GRID2IP: variants seen among roughly 807,000 people sequenced by gnomAD.
The protein encoded by GRID2IP is Grid2 interacting protein.
A neutral mutation model predicts 114.3 loss-of-function variants in GRID2IP; 78 were observed. The ratio of observed to expected loss-of-function variants is 0.68; its 90% CI spans 0.57 to 0.82. GRID2IP has a LOEUF of 0.82. Ranked by LOEUF, GRID2IP falls within the 40% of genes least tolerant of loss-of-function variation. GRID2IP has a pLI of 0.00. For missense variants in GRID2IP, 1,727 were observed against 1,678.5 expected, an observed-to-expected ratio of 1.03 and a Z score of -0.51; for synonymous variants, 809 against 724.0, an observed-to-expected ratio of 1.12 and a Z score of -1.89.
intron 4 of GRID2IP, among the ~76,000 whole-genome samples, chr7:6,524,252 A>G (rs889369788): frequency 2.0e-5 from 3 of 152,230 alleles, no homozygotes; most frequent in Non-Finnish European, 4.4e-5. Flanking sequence ...GACGATGCCC[A>G]GCTCACAGAT....
At chr7:6,512,042 G>A (rs1207971716) in intron 8 of GRID2IP, among the ~76,000 whole-genome samples, 1 of 151,370 alleles carries the variant, frequency 6.6e-6, no homozygotes. Context: ...CAAGTAGCTG[G>A]GACCACAGGC....
At chr7:6,501,064 C>G (rs1443885310) in intron 20 of GRID2IP, among the ~76,000 whole-genome samples, 2 of 152,126 alleles carry the variant, frequency 1.3e-5, no homozygotes, top group Non-Finnish European at 2.9e-5. Flanking sequence ...TTATAAATGA[C>G]CCAGGGCTAA....
At chr7:6,524,307 C>T (rs118000674) in intron 4 of GRID2IP, among the ~76,000 whole-genome samples, 1,840 of 152,330 alleles carry the variant, frequency 0.012, 40 homozygotes, top group South Asian at 0.067. Context: ...GGAAAGAATG[C>T]ATTGGCATGG....
chr7:6,526,806 G>C lies in GRID2IP; in HGVS notation c.585-37C>G. The C allele has an allele frequency of 3.4e-6, 5 of 1,471,996 alleles. No individual in the cohort carries two copies. The highest frequency in any genetic ancestry group is 4.5e-6 in the Non-Finnish European group (5 of 1,113,982). The allele number at this position is 1,471,996 out of a possible 1,614,324, so 91.2% of individuals were successfully genotyped here. On this transcript the variant is annotated intron_variant, in intron 2 of 21. Coordinates refer to ENST00000457091, the MANE Select transcript of GRID2IP (RefSeq NM_001145118.2). The surrounding 1 kb of genome is among the most constrained non-coding windows in gnomAD (Gnocchi z 7.6). ...GACGGCGGAGTCGGGGCGCGTTCCC[G>C]GACCCCGGATCTCTGCAAACCGCGG...
At position 6,514,390 on chromosome 7, in the gene GRID2IP, A is replaced by G; in HGVS notation, c.1408T>C (p.Tyr470His). The G allele has an allele frequency of 6.5e-7, 1 of 1,528,034 alleles. No individual in the cohort carries two copies. The allele number at this position is 1,528,034 out of a possible 1,614,324, so 94.7% of individuals were successfully genotyped here. Residue 470 changes from tyrosine to histidine, a missense_variant, in exon 8 of 22, where the codon TAC becomes CAC. By Grantham distance (83) the Tyr-to-His change is moderately conservative. Coordinates refer to ENST00000457091, the MANE Select transcript of GRID2IP (RefSeq NM_001145118.2). ...CQEKIACFLG[Y>H]TAMTAEPEPE... ...GGACGCTTACCTGTCATGGCCGTGT[A>G]GCCCAGGAAGCATGCGATTTTCTCC...
intron 2 of GRID2IP, among the ~76,000 whole-genome samples, chr7:6,539,462 C>A (rs1779779628): frequency 6.6e-6 from 1 of 152,114 alleles, no homozygotes; most frequent in African/African-American, 2.4e-5. Flanking sequence ...TGGATCCTTT[C>A]TGAGGTCTGT....
intron 4 of GRID2IP, among the ~76,000 whole-genome samples, chr7:6,524,608 C>T (rs1180328479): frequency 6.6e-6 from 1 of 152,094 alleles, no homozygotes; most frequent in Non-Finnish European, 1.5e-5. Flanking sequence ...GTAATCCCAA[C>T]ATTTAGGAGG....
rs149464655 is a variant in GRID2IP, at chr7:6,506,009, A to T, written c.2545-102T>A. 1.2e-4 allele frequency: 91 copies of T among 731,196 alleles called. No homozygotes were observed. Among genetic ancestry groups the T allele is most frequent in the Middle Eastern group, 3.7e-4 (1 of 2,690 alleles). The allele number at this position is 731,196 out of a possible 1,614,324, so 45.3% of individuals were successfully genotyped here. Reference sequence around the variant, plus strand: ...GGGCTGCCATAGGGGCTTCCCGAGCAAAAGCACCCATCAGGTGCTGGGATA... The same window carrying T: ...GGGCTGCCATAGGGGCTTCCCGAGCTAAAGCACCCATCAGGTGCTGGGATA... On this transcript the variant is annotated intron_variant, in intron 13 of 21. Transcript: ENST00000457091. This position sits in a 1 kb window ranked among gnomAD's most constrained non-coding sequence, Gnocchi z 5.2.
In GRID2IP at chr7:6,510,637, G is replaced by C; in HGVS notation, c.1625C>G (p.Ser542Cys). Residue 542 changes from serine to cysteine, a missense_variant, in exon 10 of 22, where the codon TCC becomes TGC. Physicochemically the swap from Ser to Cys is moderately radical, Grantham distance 112 (BLOSUM62 -1). Transcript: ENST00000457091. ...PGERQAGDGT[S>C]LPETPNPKMM... Reference sequence around the variant, plus strand: ...CTTGGGGTTGGGGGTCTCAGGGAGGGACGTGCCGTCGCCTGCCTGGCGCTC... The same window carrying C: ...CTTGGGGTTGGGGGTCTCAGGGAGGCACGTGCCGTCGCCTGCCTGGCGCTC... The C allele has an allele frequency of 6.5e-7, 1 of 1,538,462 alleles. No homozygotes were observed. Among genetic ancestry groups the C allele is most frequent in the Admixed American group, 2.2e-5 (1 of 46,450 alleles).
intron 2 of GRID2IP, among the ~76,000 whole-genome samples, chr7:6,537,607 T>C (rs547572051): frequency 4.0e-5 from 6 of 151,402 alleles, no homozygotes; most frequent in Admixed American, 1.3e-4. Context: ...CTCGAACTCC[T>C]GATCTCATGA....
In GRID2IP at chr7:6,536,712, C is replaced by G. The variant is rs1026597891; in HGVS notation, c.584+3006G>C. The stretch of plus-strand genomic sequence containing the variant: ...ACGGGGGGCTGCCTGTCAATCAGCT[C>G]CCCAGGAAGCGCTCAGAGCCAGCGC... On this transcript the variant is annotated intron_variant, in intron 2 of 21. Coordinates refer to ENST00000457091, the MANE Select transcript of GRID2IP (RefSeq NM_001145118.2). This position sits in a 1 kb window ranked among gnomAD's most constrained non-coding sequence, Gnocchi z 5.3. 1 of 683,242 alleles carries G rather than the reference C, an allele frequency of 1.5e-6. No individual in the cohort carries two copies. Among genetic ancestry groups the G allele is most frequent in the African/African-American group, 1.8e-5 (1 of 56,642 alleles). The allele number at this position is 683,242 out of a possible 1,614,324, so 42.3% of individuals were successfully genotyped here.
At chr7:6,499,082 G>A (rs1487225289) in intron 20 of GRID2IP, among the ~76,000 whole-genome samples, 1 of 152,154 alleles carries the variant, frequency 6.6e-6, no homozygotes, top group Non-Finnish European at 1.5e-5. Flanking sequence ...ATGGTGCCGA[G>A]CTTTGTTCCA....
intron 14 of GRID2IP, 68 bp from the exon 15 acceptor site, chr7:6,504,938 G>A (rs1786533164): frequency 9.7e-6 from 13 of 1,343,406 alleles, no homozygotes; most frequent in Non-Finnish European, 4.2e-6. Context: ...CCCAGGGGTG[G>A]CGTGGTCACA....
intron 14 of GRID2IP, 58 bp downstream of exon 14, chr7:6,505,762 G>C (rs1392538819): frequency 4.4e-5 from 49 of 1,115,552 alleles, no homozygotes; most frequent in Non-Finnish European, 6.3e-5. Context: ...TGCTAAGCCT[G>C]GGGCTGCCAC....
intron 13 of GRID2IP, 28 bp from the exon 14 acceptor site, chr7:6,505,935 T>C (rs764631026): frequency 2.3e-5 from 34 of 1,475,468 alleles, no homozygotes; most frequent in Non-Finnish European, 3.2e-5. Flanking sequence ...AGGTTCAGAG[T>C]AGGAGGAGCA....
rs374949487 is a variant in GRID2IP, at chr7:6,536,527, G to T, written c.584+3191C>A. On this transcript the variant is annotated intron_variant, in intron 2 of 21. Transcript: ENST00000457091. This position sits in a 1 kb window ranked among gnomAD's most constrained non-coding sequence, Gnocchi z 5.3. ...GGGGGCAGGCGGGCTGGCCCGGGAGGGGGCAGGAACAGACACCGGCAGCGC... is the reference window on the plus strand; with the variant it reads ...GGGGGCAGGCGGGCTGGCCCGGGAGTGGGCAGGAACAGACACCGGCAGCGC... 1.3e-5 allele frequency among the ~76,000 whole-genome samples: 2 copies of T among 152,026 alleles called. No homozygotes were observed. The highest frequency in any genetic ancestry group is 1.3e-4 in the Admixed American group (2 of 15,282).
chr7:6,539,654 G>T, intron 2 of GRID2IP, 64 bp downstream of exon 2: 2 of 1,433,144 alleles, frequency 1.4e-6, no homozygotes, highest in Non-Finnish European at 1.9e-6. Context: ...GGGTGGTTGT[G>T]AGGGAATGAT....
intron 4 of GRID2IP, among the ~76,000 whole-genome samples, chr7:6,525,719 T>C (rs936404400): frequency 6.6e-6 from 1 of 152,182 alleles, no homozygotes; most frequent in Admixed American, 6.6e-5. Context: ...GCGAAGTCCA[T>C]ATTCAGCAGG....
chr7:6,542,613 G>T (rs890106186), intron 1 of GRID2IP, among the ~76,000 whole-genome samples: 15 of 152,262 alleles, frequency 9.9e-5, no homozygotes, highest in Non-Finnish European at 2.1e-4. Flanking sequence ...AGCCAAGATT[G>T]TGCCACTGCA....
Sources: allele counts gnomAD v4.1 joint callset (sites outside exome capture counted in the v4.1 genomes callset), GRCh38; gene constraint gnomAD v4.1.1; non-coding constraint Gnocchi (gnomAD v3.1); transcripts MANE v1.5; gene names NCBI Gene and HGNC (gene_info 2026-07-23, HGNC 2026-07-21).